ADGRL2: variants seen among roughly 807,000 people sequenced by gnomAD.
The protein encoded by ADGRL2 is calcium-independent alpha-latrotoxin receptor 2.
Under a neutral mutation model 157.4 loss-of-function variants are expected in ADGRL2, and 44 were observed. That is an observed-to-expected ratio of 0.28 (90% CI 0.22 to 0.36). ADGRL2 has a LOEUF of 0.36. Ranked by LOEUF, ADGRL2 falls within the 10% of genes least tolerant of loss-of-function variation. The pLI, the probability that ADGRL2 is intolerant of heterozygous loss-of-function variation, is 1.00. For missense variants in ADGRL2, 1,510 were observed against 1,768.9 expected (o/e 0.85, Z 2.63); for synonymous variants, 585 against 624.7 (o/e 0.94, Z 0.95).
chr1:81,357,130 A>G (rs1355970852), intron 1 of ADGRL2, among the ~76,000 whole-genome samples: 1 of 152,076 alleles, frequency 6.6e-6, no homozygotes, highest in African/African-American at 2.4e-5. Context: ...AAGACACATC[A>G]TCCTGGGTCG....
chr1:81,326,764 G>A (rs901422068), intron 1 of ADGRL2, among the ~76,000 whole-genome samples: 9 of 152,122 alleles, frequency 5.9e-5, no homozygotes, highest in Non-Finnish European at 1.0e-4. Context: ...AGTTCCTCAG[G>A]TTTTAATAAA....
At chr1:81,624,982 G>T (rs2081880148) in intron 3 of ADGRL2, among the ~76,000 whole-genome samples, 1 of 152,208 alleles carries the variant, frequency 6.6e-6, no homozygotes, top group African/African-American at 2.4e-5. Flanking sequence ...GAGTCTCTTT[G>T]GTGATCATGA....
chr1:81,563,240 C>A (rs1249843307), intron 2 of ADGRL2, among the ~76,000 whole-genome samples: 1 of 152,172 alleles, frequency 6.6e-6, no homozygotes, highest in African/African-American at 2.4e-5. Flanking sequence ...AGGCATTACA[C>A]ATCAGTTATT....
chr1:81,380,435 G>T (rs1354429259), intron 1 of ADGRL2, among the ~76,000 whole-genome samples: 1 of 152,014 alleles, frequency 6.6e-6, no homozygotes, highest in African/African-American at 2.4e-5. Flanking sequence ...ATTTATATTT[G>T]TCTTCTAAAC....
intron 2 of ADGRL2, among the ~76,000 whole-genome samples, chr1:81,524,837 A>G (rs2079414799): frequency 6.6e-6 from 1 of 152,020 alleles, no homozygotes; most frequent in Admixed American, 6.5e-5. Context: ...TCCAGGAGTT[A>G]GAGGCTACAG....
chr1:81,471,666 T>C (rs914325030), intron 2 of ADGRL2, among the ~76,000 whole-genome samples: 1 of 152,216 alleles, frequency 6.6e-6, no homozygotes, highest in East Asian at 1.9e-4. Flanking sequence ...CTGAATCGAA[T>C]TAAAATTGTG....
In ADGRL2 at chr1:81,890,197, A is replaced by G. The variant is rs148092824; in HGVS notation, c.74-16820A>G. Reference sequence around the variant, plus strand: ...TTGATCCCTATAGGAGAAGCAGAGCAGATAGAAGGGCATTCCAAGTGGGGA... The same window carrying G: ...TTGATCCCTATAGGAGAAGCAGAGCGGATAGAAGGGCATTCCAAGTGGGGA... On this transcript the variant is annotated intron_variant, in intron 2 of 23. Transcript: ENST00000686636. Among the ~76,000 whole-genome samples the G allele has an allele frequency of 8.2e-3, 1,243 of 152,320 alleles. 16 individuals carry two copies. Among genetic ancestry groups the G allele is most frequent in the African/African-American group, 0.028 (1,176 of 41,570 alleles).
intron 3 of ADGRL2, among the ~76,000 whole-genome samples, chr1:81,641,137 G>C (rs892376378): frequency 6.6e-6 from 1 of 152,128 alleles, no homozygotes; most frequent in Non-Finnish European, 1.5e-5. Context: ...GAACCACAAA[G>C]TCAATTGAGA....
chr1:81,775,800 G>C (rs1429336697), intron 2 of ADGRL2, among the ~76,000 whole-genome samples: 1 of 152,064 alleles, frequency 6.6e-6, no homozygotes, highest in Non-Finnish European at 1.5e-5. Context: ...CTTGTAAAAA[G>C]GTTGGTACAG....
chr1:81,616,674 C>CTTTCCTT (rs2081657605), intron 3 of ADGRL2, among the ~76,000 whole-genome samples: 3 of 51,888 alleles, frequency 5.8e-5, no homozygotes, highest in Non-Finnish European at 1.2e-4. Context: ...CTTTTCTTTT[C>CTTTCCTT]TTTTCTTTTT....
chr1:81,934,803 C>G (rs530122339), intron 3 of ADGRL2, among the ~76,000 whole-genome samples: 1 of 150,860 alleles, frequency 6.6e-6, no homozygotes, highest in East Asian at 2.0e-4. Context: ...AAAGGGATAT[C>G]TAACACACAG....
At chr1:81,662,745 C>T (rs916355350) in intron 3 of ADGRL2, among the ~76,000 whole-genome samples, 10 of 151,304 alleles carry the variant, frequency 6.6e-5, no homozygotes, top group Non-Finnish European at 1.3e-4. Flanking sequence ...TTAGTAGAGA[C>T]GGGGTTTCAC....
intron 3 of ADGRL2, among the ~76,000 whole-genome samples, chr1:81,642,374 C>T (rs2082237921): frequency 6.8e-6 from 1 of 147,882 alleles, no homozygotes; most frequent in African/African-American, 2.5e-5. Flanking sequence ...GAGCTGAGAT[C>T]ATGCCACTGC....
chr1:81,644,469 T>C (rs1378303017), intron 3 of ADGRL2, among the ~76,000 whole-genome samples: 2 of 152,174 alleles, frequency 1.3e-5, no homozygotes, highest in Non-Finnish European at 2.9e-5. Flanking sequence ...GTGAAAGATG[T>C]ATCAGATAAA....
intron 3 of ADGRL2, among the ~76,000 whole-genome samples, chr1:81,606,811 CATTT>C (rs2081444666): frequency 6.6e-6 from 1 of 151,508 alleles, no homozygotes; most frequent in Non-Finnish European, 1.5e-5. Context: ...CTAGGCCTTT[CATTT>C]ATTTGTTTAT....
In ADGRL2 at chr1:81,901,396, A is replaced by C. The variant is rs183556055; in HGVS notation, c.74-5621A>C. On this transcript the variant is annotated intron_variant, in intron 2 of 23. Transcript: ENST00000686636. Reference sequence around the variant, plus strand: ...TATTATACCAGTGTGCTATAAGTAAATTAATATTTTGTTGTACAAATTACA... The same window carrying C: ...TATTATACCAGTGTGCTATAAGTAACTTAATATTTTGTTGTACAAATTACA... 2.0e-5 allele frequency among the ~76,000 whole-genome samples: 3 copies of C among 152,266 alleles called. No individual in the cohort carries two copies. In the East Asian group the frequency reaches 5.8e-4, roughly 29 times the overall value.
chr1:81,468,899 A>T (rs1171954861), intron 2 of ADGRL2, among the ~76,000 whole-genome samples: 6 of 152,194 alleles, frequency 3.9e-5, no homozygotes, highest in African/African-American at 1.4e-4. Flanking sequence ...GTAAACTGTG[A>T]GGGAGCCTCA....
chr1:81,708,644 A>G (rs2083820632), intron 1 of ADGRL2, among the ~76,000 whole-genome samples: 1 of 150,726 alleles, frequency 6.6e-6, no homozygotes, highest in South Asian at 2.1e-4. Flanking sequence ...ATTTACATAT[A>G]TATATATATA....
chr1:81,348,740 G>A (rs1309303823), intron 1 of ADGRL2, among the ~76,000 whole-genome samples: 4 of 152,106 alleles, frequency 2.6e-5, no homozygotes, highest in Non-Finnish European at 4.4e-5. Flanking sequence ...TTTAAAATCA[G>A]GATGATATAA....
Sources: allele counts gnomAD v4.1 joint callset (sites outside exome capture counted in the v4.1 genomes callset), GRCh38; gene constraint gnomAD v4.1.1; transcripts MANE v1.5; gene names NCBI Gene and HGNC (gene_info 2026-07-23, HGNC 2026-07-21).